The following FOLR2 variants were observed in gnomAD, a reference collection of about 807,000 sequenced individuals.
FOLR2 encodes the protein folate receptor beta, also known as folate receptor 2 (fetal).
In FOLR2, 14 loss-of-function variants were observed where a neutral mutation model predicts 20.4. The observed-to-expected ratio is 0.68, with a 90% CI of 0.45 to 1.07. The LOEUF (loss-of-function observed/expected upper bound fraction) is 1.07, where lower values mean the gene tolerates loss of function less well. Ranked by LOEUF, FOLR2 falls within the 50% of genes least tolerant of loss-of-function variation. The pLI, the probability that FOLR2 is intolerant of heterozygous loss-of-function variation, is 0.00. For synonymous variants in FOLR2, 114 were observed against 114.3 expected, an observed-to-expected ratio of 1.00 and a Z score of 0.02; for missense variants, 269 against 322.6, an observed-to-expected ratio of 0.83 and a Z score of 1.27.
rs200364940 is a variant in FOLR2, at chr11:72,218,565, G to T, written c.-20G>T. Reference sequence around the variant, plus strand: ...GACTTGGTTTCCCTACCCTAGCTCCGCCTGCAGGGACAGAAAGACATGGTC... The same window carrying T: ...GACTTGGTTTCCCTACCCTAGCTCCTCCTGCAGGGACAGAAAGACATGGTC... On this transcript the variant is annotated 5_prime_UTR_variant, in exon 2 of 5. Coordinates refer to ENST00000298223, the MANE Select transcript of FOLR2 (RefSeq NM_000803.5). 13 of 1,610,166 alleles carry T rather than the reference G, an allele frequency of 8.1e-6. No homozygotes were observed. The East Asian group carries it at 1.1e-4, about 14-fold the overall frequency.
chr11:72,218,462 C>T lies in FOLR2; in HGVS notation c.-24-99C>T, dbSNP rs368346990. The T allele has an allele frequency of 6.2e-5, 66 of 1,064,114 alleles. No individual in the cohort carries two copies. In the African/African-American group the frequency reaches 9.6e-4, roughly 15 times the overall value. 65.9% of individuals were successfully genotyped at this position (1,064,114 alleles called of 1,614,324 possible). A position where few individuals can be genotyped will look rare whatever the true frequency, so the allele number is the denominator to read the frequency against. On this transcript the variant is annotated intron_variant, in intron 1 of 4. Transcript: ENST00000298223. The stretch of plus-strand genomic sequence containing the variant: ...CCAGCATTGAAGGAACAGGGTCTGA[C>T]CTCATTTGCCACCGTAGGGTTGGGG...
intron 2 of FOLR2, 51 bp downstream of exon 2, chr11:72,218,785 G>A (rs1239780157): frequency 5.9e-6 from 9 of 1,518,218 alleles, no homozygotes; most frequent in African/African-American, 1.4e-5. Flanking sequence ...CTAACAGGGA[G>A]GAGAAAGTCA....
intron 2 of FOLR2, among the ~76,000 whole-genome samples, chr11:72,219,583 G>A (rs186923857): frequency 6.6e-6 from 1 of 152,296 alleles, no homozygotes; most frequent in Admixed American, 6.5e-5. Flanking sequence ...ATCATTATAA[G>A]TGGGGAGCTA....
chr11:72,217,047 CAG>C, intron 1 of FOLR2, 122 bp downstream of exon 1: 2 of 1,098,478 alleles, frequency 1.8e-6, no homozygotes, highest in Non-Finnish European at 1.3e-6. Context: ...TTTTTTGAGA[CAG>C]AGTCTCGCTC....
rs748420995 is a variant in FOLR2 at position 72,221,649 on chromosome 11, G to A, written c.655G>A (p.Val219Met). The A allele has an allele frequency of 9.3e-6, 15 of 1,614,220 alleles. No individual in the cohort carries two copies. Among genetic ancestry groups the A allele is most frequent in the South Asian group, 3.3e-5 (3 of 91,084 alleles). ...DSAQGNPNEE[V>M]ARFYAAAMHV... is the part of the protein sequence containing the mutation. ...AGCCCAGGGCAACCCCAACGAGGAA[G>A]TGGCGAGGTTCTATGCTGCAGCCAT... Residue 219 changes from valine (V) to methionine (M), a missense_variant, in exon 5 of 5, where the codon GTG (valine) becomes ATG (methionine). By Grantham distance (21) the Val-to-Met change is conservative (BLOSUM62 1). Coordinates refer to ENST00000298223, the MANE Select transcript of FOLR2 (RefSeq NM_000803.5).
In FOLR2 at chr11:72,218,621, G is replaced by A. The variant is rs769489407; in HGVS notation, c.37G>A (p.Val13Ile). The A allele has an allele frequency of 1.1e-5, 17 of 1,613,440 alleles. No individual in the cohort carries two copies. The highest frequency in any genetic ancestry group is 1.4e-5 in the Non-Finnish European group (16 of 1,179,720). ...WKWMPLLLLL[V>I]CVATMCSAQD... Reference sequence around the variant, plus strand: ...ATGGATGCCACTTCTGCTGCTTCTGGTCTGTGTAGCCACCATGTGCAGTGC... The same window carrying A: ...ATGGATGCCACTTCTGCTGCTTCTGATCTGTGTAGCCACCATGTGCAGTGC... Residue 13 changes from valine to isoleucine, a missense_variant, in exon 2 of 5, where the codon GTC (valine) becomes ATC (isoleucine). Transcript: ENST00000298223.
intron 1 of FOLR2, 122 bp from the exon 2 acceptor site, chr11:72,218,439 A>G (rs1487033048): frequency 1.2e-6 from 1 of 810,940 alleles, no homozygotes; most frequent in Non-Finnish European, 2.0e-6. Context: ...TCAGGGCCCC[A>G]GCATTGAAGG....
At position 72,221,021 on chromosome 11, in the gene FOLR2, A is replaced by T; in HGVS notation, c.302A>T (p.Tyr101Phe). The change falls in exon 3 of 5, where the codon TAT becomes TTT. Residue 101 changes from tyrosine to phenylalanine, a missense_variant. Physicochemically the swap from Tyr to Phe is conservative, Grantham distance 22. Coordinates refer to ENST00000298223, the MANE Select transcript of FOLR2 (RefSeq NM_000803.5). ...KRHFIQDTCL[Y>F]ECSPNLGPWI... Reference sequence around the variant, plus strand: ...CACTTCATCCAGGACACCTGTCTCTATGAGTGCTCACCCAACCTGGGGCCC... The same window carrying T: ...CACTTCATCCAGGACACCTGTCTCTTTGAGTGCTCACCCAACCTGGGGCCC... 1 of 1,613,812 alleles carries T rather than the reference A, an allele frequency of 6.2e-7. No homozygotes were observed. The highest frequency in any genetic ancestry group is 8.5e-7 in the Non-Finnish European group (1 of 1,179,878).
intron 1 of FOLR2, 85 bp from the exon 2 acceptor site, chr11:72,218,476 G>T (rs1488355337): frequency 1.6e-6 from 2 of 1,253,628 alleles, no homozygotes; most frequent in Admixed American, 2.0e-5. Context: ...ATTTGCCACC[G>T]TAGGGTTGGG....
At chr11:72,219,837 G>A (rs1948453792) in intron 2 of FOLR2, among the ~76,000 whole-genome samples, 2 of 151,784 alleles carry the variant, frequency 1.3e-5, no homozygotes, top group South Asian at 4.1e-4. Flanking sequence ...TAAAAAGTAG[G>A]GCTTTTGCTT....
intron 2 of FOLR2, among the ~76,000 whole-genome samples, 193 bp downstream of exon 2, chr11:72,218,927 T>C (rs1174931928): frequency 1.3e-5 from 2 of 152,178 alleles, no homozygotes; most frequent in East Asian, 1.9e-4. Flanking sequence ...GTGGATACCA[T>C]GTTGACAATG....
In FOLR2 at chr11:72,221,061, A is replaced by AG; in HGVS notation, c.339+6dup. 1 of 1,605,566 alleles carries AG rather than the reference A, an allele frequency of 6.2e-7. No homozygotes were observed. The highest frequency in any genetic ancestry group is 8.5e-7 in the Non-Finnish European group (1 of 1,176,190). Reference sequence around the variant, plus strand: ...ACCTGGGGCCCTGGATCCAGCAGGTAGGGTGTCTCCCCCCCACCCACCCCA... The same window carrying AG: ...ACCTGGGGCCCTGGATCCAGCAGGTAGGGGTGTCTCCCCCCCACCCACCCCA... On this transcript the variant is annotated splice_donor_region_variant and intron_variant, in intron 3 of 4. Coordinates refer to ENST00000298223, the MANE Select transcript of FOLR2 (RefSeq NM_000803.5).
In FOLR2 at chr11:72,221,269, AC is replaced by A; in HGVS notation, c.434del (p.Thr145SerfsTer85). On this transcript the variant is annotated frameshift_variant, in exon 4 of 5. Coordinates refer to ENST00000298223, the MANE Select transcript of FOLR2 (RefSeq NM_000803.5). LOFTEE classifies it low-confidence loss of function (END_TRUNC). ...RWWEDCHTSH[T>X]CKSNWHRGWD... is the part of the protein sequence containing the mutation. ...GTGGGAGGATTGTCACACCTCCCAC[AC>A]GTGCAAGAGCAACTGGCACAGAGGA... The A allele has an allele frequency of 6.2e-7, 1 of 1,614,004 alleles. No individual in the cohort carries two copies. The highest frequency in any genetic ancestry group is 2.2e-5 in the East Asian group (1 of 44,886).
At position 72,216,855 on chromosome 11, in the gene FOLR2, T is replaced by G; in HGVS notation, c.-95T>G. The G allele has an allele frequency of 6.3e-7, 1 of 1,596,852 alleles. No homozygotes were observed. Among genetic ancestry groups the G allele is most frequent in the East Asian group, 2.2e-5 (1 of 44,842 alleles). On this transcript the variant is annotated 5_prime_UTR_variant, in exon 1 of 5. Coordinates refer to ENST00000298223, the MANE Select transcript of FOLR2 (RefSeq NM_000803.5). ...TGTGGGGACAGCCTAGGGGCCTGGA[T>G]CTATTGCCTACTTAGAGAGAGGCCA...
At position 72,221,067 on chromosome 11, in the gene FOLR2, T is replaced by TCGGGGGGGGGGGCCCCCCCCCCCCC; in HGVS notation, c.339+10_339+11insGGGGGGGGGGGCCCCCCCCCCCCCC. 31 of 1,569,800 alleles carry TCGGGGGGGGGGGCCCCCCCCCCCCC rather than the reference T, an allele frequency of 2.0e-5. No individual in the cohort carries two copies. Among genetic ancestry groups the TCGGGGGGGGGGGCCCCCCCCCCCCC allele is most frequent in the Non-Finnish European group, 2.4e-5 (28 of 1,154,636 alleles). ...GGCCCTGGATCCAGCAGGTAGGGTGTCTCCCCCCCACCCACCCCAGCAGAC... is the reference window on the plus strand; with the variant it reads ...GGCCCTGGATCCAGCAGGTAGGGTGTCGGGGGGGGGGGCCCCCCCCCCCCCCTCCCCCCCACCCACCCCAGCAGAC... On this transcript the variant is annotated intron_variant, in intron 3 of 4. Transcript: ENST00000298223.
At position 72,221,623 on chromosome 11, in the gene FOLR2, C is replaced by G. The variant is rs763629959; in HGVS notation, c.629C>G (p.Ser210Ter). 4 of 1,614,206 alleles carry G rather than the reference C, an allele frequency of 2.5e-6. No individual in the cohort carries two copies. The highest frequency in any genetic ancestry group is 3.4e-6 in the Non-Finnish European group (4 of 1,180,044). ...SGRCIQMWFD[S>*]AQGNPNEEVA... ...CGCTGCATCCAGATGTGGTTTGATTCAGCCCAGGGCAACCCCAACGAGGAA... is the reference window on the plus strand; with the variant it reads ...CGCTGCATCCAGATGTGGTTTGATTGAGCCCAGGGCAACCCCAACGAGGAA... The change falls in exon 5 of 5, where the codon TCA (serine) becomes TGA (stop). Residue 210 changes from serine (S) to a stop codon, truncating the protein, a stop_gained. Coordinates refer to ENST00000298223, the MANE Select transcript of FOLR2 (RefSeq NM_000803.5). LOFTEE classifies it low-confidence loss of function (END_TRUNC).
At chr11:72,217,124 A>C (rs997056663) in intron 1 of FOLR2, among the ~76,000 whole-genome samples, 199 bp downstream of exon 1, 9 of 152,176 alleles carry the variant, frequency 5.9e-5, no homozygotes, top group African/African-American at 2.2e-4. Context: ...TCCTGGGTTC[A>C]AGTGATTCTC....
intron 1 of FOLR2, among the ~76,000 whole-genome samples, chr11:72,218,042 C>T (rs1591256167): frequency 6.6e-6 from 1 of 152,260 alleles, no homozygotes; most frequent in East Asian, 1.9e-4. Flanking sequence ...TAACCAAACA[C>T]CATCCTGTGG....
In FOLR2 at chr11:72,221,557, G is replaced by C; in HGVS notation, c.563G>C (p.Ser188Thr). The stretch of plus-strand genomic sequence containing the variant: ...GCTGCCCTTTGTGAAGGCCTCTGGA[G>C]TCACTCATACAAGGTCAGCAACTAC... ...TPAALCEGLW[S>T]HSYKVSNYSR... The change falls in exon 5 of 5, where the codon AGT (serine) becomes ACT (threonine). Residue 188 changes from serine to threonine, a missense_variant. Transcript: ENST00000298223. 6.2e-7 allele frequency: 1 copy of C among 1,614,114 alleles called. No individual in the cohort carries two copies. The highest frequency in any genetic ancestry group is 2.2e-5 in the East Asian group (1 of 44,882).
Sources: allele counts gnomAD v4.1 joint callset (sites outside exome capture counted in the v4.1 genomes callset), GRCh38; gene constraint gnomAD v4.1.1; transcripts MANE v1.5; gene names NCBI Gene and HGNC (gene_info 2026-07-23, HGNC 2026-07-21).